Variants in FAM89A observed in about 807,000 individuals in gnomAD.
FAM89A encodes the protein family with sequence similarity 89 member A, also known as protein FAM89A.
FAM89A carries 10 observed loss-of-function variants against 7.1 expected under a neutral mutation model. The observed-to-expected ratio is 1.40, with a 90% CI of 0.86 to 2.38. FAM89A has a LOEUF of 2.38. Ranked by LOEUF, FAM89A falls within the 30% of genes most tolerant of loss-of-function variation. The probability of loss-of-function intolerance (pLI) is 0.00; values close to 1 mark genes in which losing one functional copy is unlikely to be tolerated. For missense variants in FAM89A, 276 were observed against 262.8 expected (o/e 1.05, Z -0.35); for synonymous variants, 157 against 129.3 (o/e 1.21, Z -1.45).
At chr1:231,021,727 G>C in intron 1 of FAM89A, 2 of 1,599,708 alleles carry the variant, frequency 1.3e-6, no homozygotes, top group South Asian at 2.2e-5. Flanking sequence ...TAGAACTCGT[G>C]GAAACTGCTG....
chr1:231,027,223 G>A (rs116699533), intron 1 of FAM89A, among the ~76,000 whole-genome samples: 7,209 of 152,128 alleles, frequency 0.047, 203 homozygotes, highest in Middle Eastern at 0.1. Context: ...CAGGCCCACC[G>A]AGGTGATGCA....
At chr1:231,036,699 C>G (rs138232692) in intron 1 of FAM89A, among the ~76,000 whole-genome samples, 2 of 152,206 alleles carry the variant, frequency 1.3e-5, no homozygotes, top group East Asian at 3.9e-4. Context: ...ATCCGAATGG[C>G]CTCTCCTCCC....
At chr1:231,027,465 C>T (rs556791926) in intron 1 of FAM89A, among the ~76,000 whole-genome samples, 5 of 152,260 alleles carry the variant, frequency 3.3e-5, no homozygotes, top group Admixed American at 1.3e-4. Context: ...CATATGCACA[C>T]GCACACACAC....
At chr1:231,039,196 G>A (rs1458652735) in intron 1 of FAM89A, among the ~76,000 whole-genome samples, 1 of 152,256 alleles carries the variant, frequency 6.6e-6, no homozygotes, top group Non-Finnish European at 1.5e-5. Flanking sequence ...CCCAAGCACA[G>A]AGAAACACTG....
rs1417382921 is a variant in FAM89A, at chr1:231,019,064, G to T, written c.*799C>A. 1 of 152,078 alleles carries T rather than the reference G, an allele frequency of 6.6e-6. No individual in the cohort carries two copies. Among genetic ancestry groups the T allele is most frequent in the African/African-American group, 2.4e-5 (1 of 41,392 alleles). The allele number at this position is 152,078 out of a possible 1,614,324, so 9.4% of individuals were successfully genotyped here. Reference sequence around the variant, plus strand: ...TAAGGTAATTACTGGTTTGAGTGGCGGGTGGTTTGCTTTCTAGCACACTAG... The same window carrying T: ...TAAGGTAATTACTGGTTTGAGTGGCTGGTGGTTTGCTTTCTAGCACACTAG... On this transcript the variant is annotated 3_prime_UTR_variant, in exon 2 of 2. Transcript: ENST00000366654.
In FAM89A at chr1:231,033,249, G is replaced by A. The variant is rs756675129; in HGVS notation, c.291+6672C>T. Among the ~76,000 whole-genome samples, 76 of 152,336 alleles carry A rather than the reference G, an allele frequency of 5.0e-4. 2 individuals are homozygous for A. Among genetic ancestry groups the A allele is most frequent in the Non-Finnish European group, 4.6e-4 (31 of 68,030 alleles). On this transcript the variant is annotated intron_variant, in intron 1 of 1. Transcript: ENST00000366654. ...CCATATGGAGAATGACACTGGCAAC[G>A]GGGGCAAATATCTGAGCAGCCAGCC...
chr1:231,027,475 C>T (rs74991536), intron 1 of FAM89A, among the ~76,000 whole-genome samples: 5,016 of 152,198 alleles, frequency 0.033, 100 homozygotes, highest in Middle Eastern at 0.088. Flanking sequence ...CGCACACACA[C>T]GCCTACACAC....
intron 1 of FAM89A, chr1:231,021,993 G>A (rs1679887684): frequency 1.1e-5 from 15 of 1,329,772 alleles, no homozygotes; most frequent in African/African-American, 4.3e-5. Context: ...AGGCCCTCGG[G>A]TACTGTCGGT....
At chr1:231,038,416 G>T (rs540669805) in intron 1 of FAM89A, among the ~76,000 whole-genome samples, 2 of 152,210 alleles carry the variant, frequency 1.3e-5, no homozygotes, top group African/African-American at 4.8e-5. Flanking sequence ...GCGGCCCCGA[G>T]GTTTTTCTAT....
rs113668660 is a variant in FAM89A, at chr1:231,019,986, T to C, written c.432A>G (p.Glu144=). The C allele has an allele frequency of 5.0e-6, 8 of 1,614,162 alleles. No homozygotes were observed. Among genetic ancestry groups the C allele is most frequent in the African/African-American group, 4.0e-5 (3 of 75,040 alleles). ...TYALENGFFD[E]EEEYFQEQNS... ...TCTGCTCCTGGAAATATTCCTCCTC[T>C]TCATCGAAGAAGCCGTTCTCCAGAG... The change falls in exon 2 of 2, where the codon GAA becomes GAG. Residue 144 remains glutamate (E), a synonymous_variant. Coordinates refer to ENST00000366654, the MANE Select transcript of FAM89A (RefSeq NM_198552.3).
intron 1 of FAM89A, among the ~76,000 whole-genome samples, chr1:231,036,080 G>A (rs1450454007): frequency 6.6e-6 from 1 of 152,172 alleles, no homozygotes; most frequent in African/African-American, 2.4e-5. Flanking sequence ...AAACAGAGGA[G>A]GAGGGGAAGA....
chr1:231,038,408 G>A (rs765884215), intron 1 of FAM89A, among the ~76,000 whole-genome samples: 7 of 152,258 alleles, frequency 4.6e-5, no homozygotes, highest in South Asian at 4.2e-4. Flanking sequence ...CAACAGGAGC[G>A]GCCCCGAGGT....
intron 1 of FAM89A, among the ~76,000 whole-genome samples, chr1:231,036,150 T>A (rs1021512420): frequency 2.0e-5 from 3 of 152,252 alleles, no homozygotes; most frequent in South Asian, 2.1e-4. Context: ...TGTCTCTGTA[T>A]ACATCCAGTC....
At chr1:231,027,444 G>A (rs1490771922) in intron 1 of FAM89A, among the ~76,000 whole-genome samples, 2 of 152,010 alleles carry the variant, frequency 1.3e-5, no homozygotes, top group African/African-American at 2.4e-5. Context: ...AGGATTAGAC[G>A]CACACACATA....
intron 1 of FAM89A, among the ~76,000 whole-genome samples, chr1:231,039,352 G>A (rs1006531713): frequency 3.3e-5 from 5 of 152,228 alleles, no homozygotes; most frequent in Admixed American, 6.5e-5. Context: ...TCCCTCGCCC[G>A]GGGTGCGCGT....
At chr1:231,038,749 A>G (rs1325603753) in intron 1 of FAM89A, among the ~76,000 whole-genome samples, 3 of 152,242 alleles carry the variant, frequency 2.0e-5, no homozygotes, top group Middle Eastern at 3.4e-3. Context: ...GAATTCAATT[A>G]AGTCTTAGTT....
chr1:231,021,735 C>T (rs1679882534), intron 1 of FAM89A: 4 of 1,600,712 alleles, frequency 2.5e-6, no homozygotes, highest in African/African-American at 1.3e-5. Flanking sequence ...GTGGAAACTG[C>T]TGGAGATGAA....
chr1:231,020,157 G>A (rs765604198), intron 1 of FAM89A, 31 bp from the exon 2 acceptor site: 14 of 1,567,220 alleles, frequency 8.9e-6, no homozygotes, highest in East Asian at 2.3e-5. Flanking sequence ...GGTAAAAAAC[G>A]AGAAGTCAGC....
intron 1 of FAM89A, among the ~76,000 whole-genome samples, chr1:231,028,261 C>T (rs771952474): frequency 3.9e-5 from 6 of 152,144 alleles, no homozygotes; most frequent in Non-Finnish European, 5.9e-5. Flanking sequence ...TGAGTCCCCG[C>T]GTGCCTCCCA....
Sources: allele counts gnomAD v4.1 joint callset (sites outside exome capture counted in the v4.1 genomes callset), GRCh38; gene constraint gnomAD v4.1.1; transcripts MANE v1.5; gene names NCBI Gene and HGNC (gene_info 2026-07-23, HGNC 2026-07-21).